Variants in GPR158 observed in about 807,000 individuals in gnomAD.
The protein encoded by GPR158 is G protein-coupled receptor 158.
GPR158 carries 30 observed loss-of-function variants against 78.2 expected under a neutral mutation model. That is an observed-to-expected ratio of 0.38 (90% CI 0.29 to 0.52). GPR158 has a LOEUF of 0.52. GPR158 is among the 20% of genes least tolerant of loss of function. The pLI is 0.83. For missense variants in GPR158, 1,463 were observed against 1,523.5 expected, an observed-to-expected ratio of 0.96 and a Z score of 0.66; for synonymous variants, 581 against 591.1, an observed-to-expected ratio of 0.98 and a Z score of 0.25.
chr10:25,202,532 G>A (rs1423887069), intron 1 of GPR158, among the ~76,000 whole-genome samples: 1 of 152,248 alleles, frequency 6.6e-6, no homozygotes, highest in African/African-American at 2.4e-5. Flanking sequence ...GTGACAGTTT[G>A]CTCAGAACGA....
intron 7 of GPR158, among the ~76,000 whole-genome samples, chr10:25,581,280 G>T (rs1212994814): frequency 6.6e-6 from 1 of 151,866 alleles, no homozygotes; most frequent in Admixed American, 6.6e-5. Flanking sequence ...TGTTGACCAG[G>T]CTGGTCTCAA....
chr10:25,350,811 C>T (rs1156875757), intron 2 of GPR158, among the ~76,000 whole-genome samples: 1 of 151,964 alleles, frequency 6.6e-6, no homozygotes. Context: ...CTTTCCTCGA[C>T]CTCCTATATA....
intron 1 of GPR158, among the ~76,000 whole-genome samples, chr10:25,196,300 T>G (rs1399400438): frequency 6.6e-6 from 1 of 152,100 alleles, no homozygotes. Context: ...CCTTTGGCAA[T>G]TTCTCTTAAT....
chr10:25,243,671 T>C (rs1853654297), intron 2 of GPR158, among the ~76,000 whole-genome samples: 1 of 152,208 alleles, frequency 6.6e-6, no homozygotes, highest in African/African-American at 2.4e-5. Context: ...ACAATTTTAT[T>C]TAATTGTGTC....
chr10:25,586,370 G>T (rs113236205), intron 7 of GPR158, among the ~76,000 whole-genome samples: 32 of 149,242 alleles, frequency 2.1e-4, no homozygotes, highest in African/African-American at 7.4e-4. Context: ...TATTTCCAGG[G>T]TTGTAAGTAG....
chr10:25,394,680 A>G (rs1231132778), intron 2 of GPR158, among the ~76,000 whole-genome samples: 1 of 152,198 alleles, frequency 6.6e-6, no homozygotes, highest in African/African-American at 2.4e-5. Context: ...AGAGGGTATT[A>G]ATGAAATTAA....
At chr10:25,566,571 G>C (rs1836932096) in intron 6 of GPR158, among the ~76,000 whole-genome samples, 1 of 152,054 alleles carries the variant, frequency 6.6e-6, no homozygotes, top group Non-Finnish European at 1.5e-5. Context: ...GAGAAAAAAG[G>C]AAAAACAATG....
At chr10:25,496,195 C>T (rs1266772344) in intron 5 of GPR158, among the ~76,000 whole-genome samples, 1 of 152,166 alleles carries the variant, frequency 6.6e-6, no homozygotes, top group Non-Finnish European at 1.5e-5. Context: ...GATTACTGGG[C>T]TCTGACCTTT....
intron 2 of GPR158, among the ~76,000 whole-genome samples, chr10:25,305,248 C>T (rs1243491920): frequency 2.0e-5 from 3 of 152,142 alleles, no homozygotes; most frequent in Non-Finnish European, 4.4e-5. Context: ...GTGCTCTTTT[C>T]CCAAAGGATT....
At chr10:25,238,420 CAATA>C (rs1208253817) in intron 2 of GPR158, among the ~76,000 whole-genome samples, 1 of 152,144 alleles carries the variant, frequency 6.6e-6, no homozygotes, top group African/African-American at 2.4e-5. Context: ...AATAAAATAA[CAATA>C]AATTCATAAT....
chr10:25,338,373 A>G lies in GPR158; in HGVS notation c.1009-57538A>G, dbSNP rs551288322. ...GCTTTCCCATAAATCTGATGACTAT[A>G]TCTATATATCTCTCTCTATATATAT... On this transcript the variant is annotated intron_variant, in intron 2 of 10. Coordinates refer to ENST00000376351, the MANE Select transcript of GPR158 (RefSeq NM_020752.3). Among the ~76,000 whole-genome samples, 509 of 143,390 alleles carry G rather than the reference A, an allele frequency of 3.5e-3. 3 individuals carry two copies. Among genetic ancestry groups the G allele is most frequent in the African/African-American group, 0.013 (491 of 37,596 alleles). 94.1% of individuals were successfully genotyped at this position (143,390 alleles called of 152,430 possible).
intron 2 of GPR158, among the ~76,000 whole-genome samples, chr10:25,291,138 AAG>A (rs1394210701): frequency 6.6e-6 from 1 of 152,088 alleles, no homozygotes; most frequent in Non-Finnish European, 1.5e-5. Flanking sequence ...TGTTGAAAAA[AAG>A]ATTTAAATAG....
intron 2 of GPR158, among the ~76,000 whole-genome samples, chr10:25,361,680 A>ATGATTAGT (rs1855643422): frequency 6.6e-6 from 1 of 151,928 alleles, no homozygotes; most frequent in African/African-American, 2.4e-5. Context: ...CATTTCCCTG[A>ATGATTAGT]TGATTAGTTC....
intron 4 of GPR158, among the ~76,000 whole-genome samples, chr10:25,453,792 C>G (rs1025432076): frequency 6.6e-6 from 1 of 152,112 alleles, no homozygotes; most frequent in Non-Finnish European, 1.5e-5. Context: ...GTTTGCGTGT[C>G]TGGTTTTTAT....
intron 6 of GPR158, among the ~76,000 whole-genome samples, chr10:25,558,875 C>T (rs149011231): frequency 4.7e-4 from 72 of 152,188 alleles, no homozygotes; most frequent in Non-Finnish European, 8.8e-4. Context: ...GACTTCAATC[C>T]GCTTACATTT....
intron 1 of GPR158, among the ~76,000 whole-genome samples, chr10:25,200,869 T>TG (rs1852915847): frequency 1.7e-5 from 1 of 57,160 alleles, no homozygotes; most frequent in Admixed American, 2.3e-4. Context: ...TTTTGTTTTG[T>TG]TTTTTTTTTT....
intron 2 of GPR158, among the ~76,000 whole-genome samples, chr10:25,339,196 A>G (rs1855268991): frequency 6.6e-6 from 1 of 151,844 alleles, no homozygotes; most frequent in Admixed American, 6.6e-5. Context: ...TATGTTGCCC[A>G]GGCTGGTCTC....
chr10:25,463,661 C>G (rs946957939), intron 4 of GPR158, among the ~76,000 whole-genome samples: 1 of 151,798 alleles, frequency 6.6e-6, no homozygotes, highest in African/African-American at 2.4e-5. Context: ...TTTTCTTGGT[C>G]TCTGTTATTT....
intron 5 of GPR158, among the ~76,000 whole-genome samples, chr10:25,528,763 G>A (rs1377578190): frequency 6.6e-6 from 1 of 152,094 alleles, no homozygotes; most frequent in Non-Finnish European, 1.5e-5. Flanking sequence ...TAATTTACAA[G>A]TTTAGTCTAA....
Sources: allele counts gnomAD v4.1 joint callset (sites outside exome capture counted in the v4.1 genomes callset), GRCh38; gene constraint gnomAD v4.1.1; transcripts MANE v1.5; gene names NCBI Gene and HGNC (gene_info 2026-07-23, HGNC 2026-07-21).